Variants in CTNND2 observed in about 807,000 individuals in gnomAD.
CTNND2 encodes the protein catenin delta 2, also known as catenin delta-2.
In CTNND2, 22 loss-of-function variants were observed where a neutral mutation model predicts 144.4. That is an observed-to-expected ratio of 0.15 (90% CI 0.11 to 0.22). The LOEUF (loss-of-function observed/expected upper bound fraction) is 0.22, where lower values mean the gene tolerates loss of function less well. Among genes scored for constraint, CTNND2 ranks in the 10% least tolerant of loss-of-function variants. The probability of loss-of-function intolerance (pLI) is 1.00; values close to 1 mark genes in which losing one functional copy is unlikely to be tolerated. For missense variants in CTNND2, 1,353 were observed against 1,618.8 expected (o/e 0.84, Z 2.82); for synonymous variants, 751 against 695.6 (o/e 1.08, Z -1.25).
At chr5:11,499,541 G>C (rs145552999) in intron 3 of CTNND2, among the ~76,000 whole-genome samples, 3 of 152,162 alleles carry the variant, frequency 2.0e-5, no homozygotes, top group Admixed American at 1.3e-4. Flanking sequence ...ACTATCCTTC[G>C]TTTTTGGCTG....
intron 3 of CTNND2, among the ~76,000 whole-genome samples, chr5:11,456,108 G>T (rs1765711148): frequency 6.6e-6 from 1 of 152,122 alleles, no homozygotes; most frequent in Non-Finnish European, 1.5e-5. Flanking sequence ...TTCAATTTCA[G>T]TCTTTCCTCA....
At chr5:11,785,572 C>G (rs560157319) in intron 1 of CTNND2, among the ~76,000 whole-genome samples, 37 of 151,976 alleles carry the variant, frequency 2.4e-4, no homozygotes, top group African/African-American at 8.7e-4. Flanking sequence ...TGGAAATATG[C>G]TACTAACATA....
At chr5:11,280,057 C>G (rs777183301) in intron 9 of CTNND2, among the ~76,000 whole-genome samples, 1 of 152,156 alleles carries the variant, frequency 6.6e-6, no homozygotes, top group Non-Finnish European at 1.5e-5. Flanking sequence ...GTTCACCTTA[C>G]TTGCAATAAG....
chr5:11,422,586 C>G (rs1201441871), intron 3 of CTNND2, among the ~76,000 whole-genome samples: 1 of 152,152 alleles, frequency 6.6e-6, no homozygotes, highest in Admixed American at 6.5e-5. Flanking sequence ...CACAGAGTAC[C>G]ACAACACTGT....
chr5:11,052,751 G>A (rs1042642250), intron 16 of CTNND2, among the ~76,000 whole-genome samples: 11 of 151,974 alleles, frequency 7.2e-5, no homozygotes, highest in East Asian at 5.8e-4. Context: ...TTAGGGCGGC[G>A]GCCCTGGGCA....
intron 1 of CTNND2, among the ~76,000 whole-genome samples, chr5:11,888,241 A>G (rs1736697511): frequency 1.3e-5 from 2 of 152,362 alleles, no homozygotes; most frequent in South Asian, 4.1e-4. Context: ...CCTTTAATTA[A>G]GCCTAGTGTA....
intron 2 of CTNND2, among the ~76,000 whole-genome samples, chr5:11,582,047 G>C (rs1561585901): frequency 6.6e-6 from 1 of 152,282 alleles, no homozygotes; most frequent in East Asian, 1.9e-4. Context: ...AAAGGATGGA[G>C]ACCAGTGGAT....
chr5:11,554,421 C>A (rs1776038325), intron 3 of CTNND2, among the ~76,000 whole-genome samples: 1 of 152,158 alleles, frequency 6.6e-6, no homozygotes, highest in Non-Finnish European at 1.5e-5. Context: ...TGTGGTGTGA[C>A]ATTTGAATGC....
intron 7 of CTNND2, among the ~76,000 whole-genome samples, chr5:11,366,323 A>G (rs1404848258): frequency 1.3e-5 from 2 of 152,242 alleles, no homozygotes; most frequent in Admixed American, 6.5e-5. Context: ...CACAGAGAAC[A>G]GTATTCCTGA....
chr5:11,889,311 T>C (rs1392369742), intron 1 of CTNND2, among the ~76,000 whole-genome samples: 1 of 152,170 alleles, frequency 6.6e-6, no homozygotes, highest in Non-Finnish European at 1.5e-5. Flanking sequence ...AATGTCTCTC[T>C]AAGACTAAAC....
chr5:11,312,102 C>T (rs961787774), intron 9 of CTNND2, among the ~76,000 whole-genome samples: 6 of 148,558 alleles, frequency 4.0e-5, no homozygotes, highest in African/African-American at 1.2e-4. Flanking sequence ...ATACACACAC[C>T]CCACACGCAC....
At chr5:11,127,281 G>T (rs1023562927) in intron 12 of CTNND2, among the ~76,000 whole-genome samples, 1 of 152,202 alleles carries the variant, frequency 6.6e-6, no homozygotes, top group East Asian at 1.9e-4. Flanking sequence ...CTGGCCACAG[G>T]ACAGCCCAGG....
chr5:11,628,116 T>C (rs1020707268), intron 2 of CTNND2, among the ~76,000 whole-genome samples: 15 of 151,990 alleles, frequency 9.9e-5, no homozygotes, highest in African/African-American at 3.6e-4. Flanking sequence ...TTTAATCAAA[T>C]TTGTGATTTG....
At chr5:11,426,670 C>T (rs1008859257) in intron 3 of CTNND2, among the ~76,000 whole-genome samples, 4 of 152,110 alleles carry the variant, frequency 2.6e-5, no homozygotes, top group Non-Finnish European at 4.4e-5. Context: ...AGTAAGCAGG[C>T]GTGCTGGCAG....
At position 10,998,476 on chromosome 5, in the gene CTNND2, T is replaced by C. The variant is rs1739580350; in HGVS notation, c.3085-5799A>G. On this transcript the variant is annotated intron_variant, in intron 18 of 21. Coordinates refer to ENST00000304623, the MANE Select transcript of CTNND2 (RefSeq NM_001332.4). ...CACTGCAATGAGACAAACATAAAATTTGTGTGCTGTGAGAAGAGGTGATCT... is the reference window on the plus strand; with the variant it reads ...CACTGCAATGAGACAAACATAAAATCTGTGTGCTGTGAGAAGAGGTGATCT... Among the ~76,000 whole-genome samples, 6 of 152,256 alleles carry C rather than the reference T, an allele frequency of 3.9e-5. No individual in the cohort carries two copies. In the South Asian group the frequency reaches 1.2e-3, roughly 32 times the overall value.
rs940454938 is a variant in CTNND2, at chr5:11,904,211, C to T, written c.-358G>A. On this transcript the variant is annotated 5_prime_UTR_variant, in exon 1 of 22. Transcript: ENST00000304623. This position sits in a 1 kb window ranked among gnomAD's most constrained non-coding sequence, Gnocchi z 4.2. ...CGCCGCGCCCGCAGCTCCGCTCAGC[C>T]GGCTGTCGCCGCGGGCGCGAGCCTG... 1.5e-4 allele frequency among the ~76,000 whole-genome samples: 22 copies of T among 145,674 alleles called. No homozygotes were observed. Among genetic ancestry groups the T allele is most frequent in the African/African-American group, 4.7e-4 (19 of 40,792 alleles).
chr5:11,817,789 A>T (rs1253322808), intron 1 of CTNND2, among the ~76,000 whole-genome samples: 1 of 152,138 alleles, frequency 6.6e-6, no homozygotes, highest in Non-Finnish European at 1.5e-5. Context: ...CTCAGAATTT[A>T]TGTTGAACAC....
intron 3 of CTNND2, among the ~76,000 whole-genome samples, chr5:11,505,666 G>A (rs988712664): frequency 2.0e-5 from 3 of 152,052 alleles, no homozygotes; most frequent in African/African-American, 4.8e-5. Flanking sequence ...TCTCCCATCT[G>A]CCCATATCTT....
intron 5 of CTNND2, among the ~76,000 whole-genome samples, chr5:11,408,318 G>C (rs79832774): frequency 6.9e-4 from 105 of 151,988 alleles, no homozygotes; most frequent in Middle Eastern, 3.4e-3. Context: ...CTTAAAATTC[G>C]CAATATTGAT....
Sources: gnomAD v4.1 joint callset for allele counts (sites outside exome capture counted in the v4.1 genomes callset) on GRCh38, gnomAD v4.1.1 for gene constraint, Gnocchi (gnomAD v3.1) non-coding constraint, MANE v1.5 for transcripts, NCBI Gene and HGNC (gene_info 2026-07-23, HGNC 2026-07-21) for gene names.